Variants in RNF115 observed in about 807,000 individuals in gnomAD.
RNF115 encodes the protein ring finger protein 115, also known as E3 ubiquitin-protein ligase RNF115.
A neutral mutation model predicts 39.2 loss-of-function variants in RNF115; 31 were observed. That is an observed-to-expected ratio of 0.79 (90% CI 0.59 to 1.07). The LOEUF is 1.07. RNF115 is among the 50% of genes least tolerant of loss of function. The pLI, the probability that RNF115 is intolerant of heterozygous loss-of-function variation, is 0.00. For missense variants in RNF115, 384 were observed against 381.7 expected (o/e 1.01, Z -0.05); for synonymous variants, 124 against 131.0 (o/e 0.95, Z 0.37).
intron 4 of RNF115, among the ~76,000 whole-genome samples, chr1:145,764,735 T>G (rs1327689778): frequency 6.8e-6 from 1 of 146,340 alleles, no homozygotes; most frequent in Non-Finnish European, 1.5e-5. Context: ...CCCGGCCAGC[T>G]GCCCCATCCA....
intron 1 of RNF115, among the ~76,000 whole-genome samples, chr1:145,795,844 A>G (rs1648955369): frequency 6.6e-6 from 1 of 152,190 alleles, no homozygotes; most frequent in African/African-American, 2.4e-5. Context: ...ATGCTCTGCT[A>G]ATTATTCTTG....
At chr1:145,750,306 T>A (rs1045864961) in intron 7 of RNF115, 101 bp downstream of exon 7, 1 of 949,904 alleles carries the variant, frequency 1.1e-6, no homozygotes, top group Non-Finnish European at 1.6e-6. Flanking sequence ...TTTTTTTGTC[T>A]TTTTATTTTG....
Position 145,742,590 on chromosome 1 carries a change from C to G in RNF115, c.*4276G>C, listed in dbSNP as rs1553711123. On this transcript the variant is annotated 3_prime_UTR_variant, in exon 9 of 9. Coordinates refer to ENST00000582693, the MANE Select transcript of RNF115 (RefSeq NM_014455.4). The stretch of plus-strand genomic sequence containing the variant: ...AGAATCAGACTGTGAGGCTCCAGCT[C>G]TCTTCTGTATCCCTGCTCACTTTAC... 1 of 152,176 alleles carries G rather than the reference C, an allele frequency of 6.6e-6. No individual in the cohort carries two copies. The highest frequency in any genetic ancestry group is 2.4e-5 in the African/African-American group (1 of 41,432). The allele number at this position is 152,176 out of a possible 1,614,324, so 9.4% of individuals were successfully genotyped here. A position where few individuals can be genotyped will look rare whatever the true frequency, so the allele number is the denominator to read the frequency against.
In RNF115 at chr1:145,741,404, G is replaced by C. The variant is rs1362980080; in HGVS notation, c.*5462C>G. 1.3e-5 allele frequency: 2 copies of C among 152,096 alleles called. No homozygotes were observed. Among genetic ancestry groups the C allele is most frequent in the African/African-American group, 4.8e-5 (2 of 41,384 alleles). 9.4% of individuals were successfully genotyped at this position (152,096 alleles called of 1,614,324 possible). A position where few individuals can be genotyped will look rare whatever the true frequency, so the allele number is the denominator to read the frequency against. The stretch of plus-strand genomic sequence containing the variant: ...AGATCGAAACCTTACAATGTCAATG[G>C]GATCAGACAAGGGCTCTATTTTGAT... On this transcript the variant is annotated 3_prime_UTR_variant, in exon 9 of 9. Coordinates refer to ENST00000582693, the MANE Select transcript of RNF115 (RefSeq NM_014455.4).
chr1:145,779,784 T>C (rs1648040673), intron 3 of RNF115, among the ~76,000 whole-genome samples: 1 of 151,888 alleles, frequency 6.6e-6, no homozygotes, highest in Non-Finnish European at 1.5e-5. Context: ...TGCCTCAGCC[T>C]CCCGAATAGC....
chr1:145,799,406 G>A (rs1411663663), intron 1 of RNF115, among the ~76,000 whole-genome samples: 2 of 152,138 alleles, frequency 1.3e-5, no homozygotes, highest in African/African-American at 4.8e-5. Context: ...TCTGTGAACA[G>A]AGATAATTTT....
intron 1 of RNF115, among the ~76,000 whole-genome samples, chr1:145,802,768 T>C (rs192611397): frequency 3.0e-4 from 46 of 152,316 alleles, no homozygotes; most frequent in African/African-American, 1.1e-3. Context: ...GAGTATCACA[T>C]GGCAAGACAG....
At chr1:145,790,138 GTTAT>G (rs782249695) in intron 1 of RNF115, among the ~76,000 whole-genome samples, 162 of 152,080 alleles carry the variant, frequency 1.1e-3, no homozygotes, top group African/African-American at 2.4e-3. Context: ...TAAAATTTAG[GTTAT>G]TTATTTGTTT....
At chr1:145,774,608 C>T (rs1425023494) in intron 3 of RNF115, among the ~76,000 whole-genome samples, 9 of 152,154 alleles carry the variant, frequency 5.9e-5, no homozygotes, top group Admixed American at 5.2e-4. Flanking sequence ...ACCTCGGCCT[C>T]CCAAAGTGCT....
intron 1 of RNF115, among the ~76,000 whole-genome samples, chr1:145,789,936 G>A (rs1267287002): frequency 2.0e-5 from 3 of 151,706 alleles, no homozygotes; most frequent in Non-Finnish European, 2.9e-5. Flanking sequence ...GACCTCAGGC[G>A]ATCCACCCGC....
At chr1:145,766,402 A>T (rs1429952914) in intron 4 of RNF115, among the ~76,000 whole-genome samples, 8 of 152,158 alleles carry the variant, frequency 5.3e-5, no homozygotes, top group Non-Finnish European at 1.0e-4. Context: ...CTCTTTCTAC[A>T]CAGACACGGC....
At chr1:145,750,319 C>T in intron 7 of RNF115, 88 bp downstream of exon 7, 12 of 1,006,064 alleles carry the variant, frequency 1.2e-5, no homozygotes, top group South Asian at 3.2e-5. Context: ...TTATTTTGTT[C>T]ACTTTTTAAA....
At chr1:145,798,995 T>C (rs1036181539) in intron 1 of RNF115, among the ~76,000 whole-genome samples, 11 of 152,156 alleles carry the variant, frequency 7.2e-5, no homozygotes, top group Non-Finnish European at 1.3e-4. Flanking sequence ...TTTTTGTGTG[T>C]TGATTTTGTA....
chr1:145,820,528 G>A (rs1433525703), intron 1 of RNF115, among the ~76,000 whole-genome samples: 1 of 151,522 alleles, frequency 6.6e-6, no homozygotes, highest in African/African-American at 2.4e-5. Flanking sequence ...TCACAAGGTC[G>A]AGATGGAGAC....
intron 1 of RNF115, among the ~76,000 whole-genome samples, chr1:145,800,292 ACT>A (rs1175662463): frequency 6.6e-6 from 1 of 151,968 alleles, no homozygotes; most frequent in African/African-American, 2.4e-5. Flanking sequence ...CCACTTAACC[ACT>A]CTGTGAGGTA....
At chr1:145,771,638 A>G in intron 4 of RNF115, 73 bp downstream of exon 4, 1 of 1,236,956 alleles carries the variant, frequency 8.1e-7, no homozygotes, top group Non-Finnish European at 1.2e-6. Context: ...TGAGACCCTT[A>G]TAAAGATTAG....
chr1:145,799,480 C>A (rs1649131368), intron 1 of RNF115, among the ~76,000 whole-genome samples: 1 of 151,890 alleles, frequency 6.6e-6, no homozygotes, highest in Non-Finnish European at 1.5e-5. Flanking sequence ...GGCCAGGACT[C>A]TTAATACTAT....
At chr1:145,797,836 C>T (rs114169974) in intron 1 of RNF115, among the ~76,000 whole-genome samples, 2,231 of 152,204 alleles carry the variant, frequency 0.015, 61 homozygotes, top group African/African-American at 0.051. Context: ...TAATAGTAGC[C>T]ATCCTAATGG....
chr1:145,768,127 C>T (rs587669586), intron 4 of RNF115, among the ~76,000 whole-genome samples: 1 of 152,366 alleles, frequency 6.6e-6, no homozygotes, highest in South Asian at 2.1e-4. Context: ...AGGCGGGAAA[C>T]CACCTCTTTC....
Sources: gnomAD v4.1 joint callset for allele counts (sites outside exome capture counted in the v4.1 genomes callset) on GRCh38, gnomAD v4.1.1 for gene constraint, MANE v1.5 for transcripts, NCBI Gene and HGNC (gene_info 2026-07-23, HGNC 2026-07-21) for gene names.